DGKB: variants seen among roughly 807,000 people sequenced by gnomAD.
DGKB encodes the protein diacylglycerol kinase beta.
In DGKB, 67 loss-of-function variants were observed where a neutral mutation model predicts 114.3. The ratio of observed to expected loss-of-function variants is 0.59; its 90% confidence interval spans 0.48 to 0.72. The LOEUF (loss-of-function observed/expected upper bound fraction) is 0.72. DGKB is among the 30% of genes least tolerant of loss of function. The pLI is 0.00. For missense variants in DGKB, 907 were observed against 975.2 expected (o/e 0.93, Z 0.93); for synonymous variants, 398 against 323.1 (o/e 1.23, Z -2.49).
intron 23 of DGKB, among the ~76,000 whole-genome samples, chr7:14,208,740 ATATAGAAG>A (rs1417928286): frequency 6.6e-6 from 1 of 151,966 alleles, no homozygotes; most frequent in Non-Finnish European, 1.5e-5. Context: ...TGGTTTTGAA[ATATAGAAG>A]TACTAGGTAG....
In DGKB at chr7:14,329,294, T is replaced by C. The variant is rs565407407; in HGVS notation, c.2122+9221A>G. Among the ~76,000 whole-genome samples the C allele has an allele frequency of 1.9e-3, 283 of 151,940 alleles. 2 individuals are homozygous for C. The highest frequency in any genetic ancestry group is 6.5e-3 in the African/African-American group (271 of 41,528). ...AAAGTGTGCAAGCAGAATCAAGTGC[T>C]AGAGTGTGGCCATTATATCACATCC... On this transcript the variant is annotated intron_variant, in intron 23 of 25. Coordinates refer to ENST00000402815, the MANE Select transcript of DGKB (RefSeq NM_001350709.2).
At chr7:14,516,889 AC>A (rs1462308803) in intron 20 of DGKB, among the ~76,000 whole-genome samples, 3 of 152,160 alleles carry the variant, frequency 2.0e-5, no homozygotes, top group Non-Finnish European at 4.4e-5. Flanking sequence ...GCCCAAAGCA[AC>A]TTACAGATTC....
chr7:14,315,175 A>G (rs1232448384), intron 23 of DGKB, among the ~76,000 whole-genome samples: 1 of 143,072 alleles, frequency 7.0e-6, no homozygotes, highest in African/African-American at 2.5e-5. Flanking sequence ...CCGCTGCAAA[A>G]TCATGCCAAA....
chr7:14,378,476 G>C (rs1818850105), intron 21 of DGKB, among the ~76,000 whole-genome samples: 1 of 152,118 alleles, frequency 6.6e-6, no homozygotes, highest in Non-Finnish European at 1.5e-5. Context: ...TAAACTTTCT[G>C]TAAATCTAAA....
chr7:14,822,307 TA>T (rs1243029972), intron 2 of DGKB, among the ~76,000 whole-genome samples: 17 of 152,220 alleles, frequency 1.1e-4, no homozygotes, highest in Admixed American at 4.6e-4. Context: ...AAATGAAAGT[TA>T]AGTTTTAAAA....
At chr7:14,427,479 C>T (rs1161285291) in intron 21 of DGKB, among the ~76,000 whole-genome samples, 1 of 152,094 alleles carries the variant, frequency 6.6e-6, no homozygotes, top group East Asian at 1.9e-4. Flanking sequence ...AAGTTGCTTC[C>T]ACATTTTTGG....
At chr7:14,810,484 A>T (rs1843292008) in intron 2 of DGKB, among the ~76,000 whole-genome samples, 1 of 152,234 alleles carries the variant, frequency 6.6e-6, no homozygotes, top group Admixed American at 6.5e-5. Flanking sequence ...GAAACATAAA[A>T]ACATAATATT....
At chr7:14,209,011 A>G (rs1787294573) in intron 23 of DGKB, 1 of 155,128 alleles carries the variant, frequency 6.4e-6, no homozygotes, top group African/African-American at 2.4e-5. Context: ...TTACTAAATT[A>G]CTGGAGTAAT....
chr7:14,947,744 G>C (rs1008687165), intron 1 of DGKB, among the ~76,000 whole-genome samples: 1 of 151,588 alleles, frequency 6.6e-6, no homozygotes, highest in Admixed American at 6.6e-5. Flanking sequence ...TATATACTCA[G>C]TTCCCCAGAA....
chr7:14,855,178 G>GT (rs1849948349), intron 1 of DGKB, among the ~76,000 whole-genome samples: 1 of 152,204 alleles, frequency 6.6e-6, no homozygotes, highest in African/African-American at 2.4e-5. Flanking sequence ...AGCAGCAGCT[G>GT]TTTGGAGATC....
At chr7:14,657,667 C>T (rs1816136884) in intron 13 of DGKB, among the ~76,000 whole-genome samples, 1 of 151,836 alleles carries the variant, frequency 6.6e-6, no homozygotes, top group Admixed American at 6.6e-5. Flanking sequence ...CTCAGTGCAG[C>T]AAGACACATC....
chr7:14,678,926 A>G (rs1029058369), intron 12 of DGKB, among the ~76,000 whole-genome samples: 7 of 152,048 alleles, frequency 4.6e-5, no homozygotes, highest in African/African-American at 1.4e-4. Context: ...CAAGAGTAAA[A>G]AAAATTGACT....
rs71004303 is a variant in DGKB at position 14,478,803 on chromosome 7, G to GAA, written c.1771-580_1771-579dup. On this transcript the variant is annotated intron_variant, in intron 20 of 25. Transcript: ENST00000402815. ...ACTTTCTGGCATAGCTCGTTGAATA[G>GAA]AAAAAAAAAACAACAACAAAGAGAA... 1.3e-3 allele frequency among the ~76,000 whole-genome samples: 191 copies of GAA among 149,414 alleles called. 2 individuals carry two copies. Among genetic ancestry groups the GAA allele is most frequent in the African/African-American group, 3.1e-3 (128 of 40,828 alleles).
At chr7:14,435,427 G>A (rs1829092995) in intron 21 of DGKB, among the ~76,000 whole-genome samples, 1 of 152,018 alleles carries the variant, frequency 6.6e-6, no homozygotes, top group Non-Finnish European at 1.5e-5. Flanking sequence ...CTCATGTCAA[G>A]GAAATTATTT....
intron 23 of DGKB, among the ~76,000 whole-genome samples, chr7:14,304,031 C>T (rs1381831468): frequency 1.5e-5 from 2 of 134,990 alleles, no homozygotes; most frequent in Admixed American, 7.6e-5. Context: ...TATTATACAC[C>T]ATTTGTTCTT....
At chr7:14,961,211 G>A (rs551856620) in intron 1 of DGKB, among the ~76,000 whole-genome samples, 12 of 152,046 alleles carry the variant, frequency 7.9e-5, no homozygotes, top group African/African-American at 2.7e-4. Context: ...TATTGTATTT[G>A]TTTTGAAGAC....
intron 1 of DGKB, among the ~76,000 whole-genome samples, chr7:14,863,779 G>A (rs964371915): frequency 9.9e-5 from 15 of 151,902 alleles, no homozygotes; most frequent in Admixed American, 2.6e-4. Flanking sequence ...TTCTGGGGCA[G>A]TATATGTTAA....
chr7:14,843,894 C>T (rs1260341487), intron 1 of DGKB, among the ~76,000 whole-genome samples: 1 of 152,116 alleles, frequency 6.6e-6, no homozygotes, highest in African/African-American at 2.4e-5. Flanking sequence ...CTCCTAATCA[C>T]ATGACTGTAT....
chr7:14,963,303 C>T (rs1786966553), intron 1 of DGKB, among the ~76,000 whole-genome samples: 1 of 152,076 alleles, frequency 6.6e-6, no homozygotes, highest in South Asian at 2.1e-4. Context: ...CACAAATACA[C>T]AAAATGTACT....
Sources: allele counts gnomAD v4.1 joint callset (sites outside exome capture counted in the v4.1 genomes callset), GRCh38; gene constraint gnomAD v4.1.1; transcripts MANE v1.5; gene names NCBI Gene and HGNC (gene_info 2026-07-23, HGNC 2026-07-21).